Variants in PDE7B observed in about 807,000 individuals in gnomAD.
The protein encoded by PDE7B is 3',5'-cyclic-AMP phosphodiesterase 7B.
A neutral mutation model predicts 56.2 loss-of-function variants in PDE7B; 29 were observed. That is an observed-to-expected ratio of 0.52 (90% CI 0.38 to 0.70). The LOEUF (loss-of-function observed/expected upper bound fraction) is 0.70. Ranked by LOEUF, PDE7B falls within the 30% of genes least tolerant of loss-of-function variation. The pLI is 0.00. For synonymous variants in PDE7B, 197 were observed against 196.9 expected (o/e 1.00, Z 0.00); for missense variants, 490 against 565.0 (o/e 0.87, Z 1.35).
chr6:135,904,009 T>A (rs1776052543), intron 1 of PDE7B, among the ~76,000 whole-genome samples: 1 of 152,206 alleles, frequency 6.6e-6, no homozygotes, highest in Non-Finnish European at 1.5e-5. Flanking sequence ...ATGCTTTTCC[T>A]AAAAAATATT....
At position 136,005,862 on chromosome 6, in the gene PDE7B, C is replaced by A. The variant is rs973508671; in HGVS notation, c.82+58338C>A. On this transcript the variant is annotated intron_variant, in intron 2 of 12. Coordinates refer to ENST00000308191, the MANE Select transcript of PDE7B (RefSeq NM_018945.4). ...CAGCCATCCCATTACTGAGTATATA[C>A]CCAAAGGACTATAAATCATACTGCT... Among the ~76,000 whole-genome samples the A allele has an allele frequency of 3.9e-4, 59 of 152,064 alleles. 1 individual carries two copies. Among genetic ancestry groups the A allele is most frequent in the African/African-American group, 1.4e-3 (58 of 41,404 alleles).
At chr6:136,097,284 G>A (rs182456312) in intron 2 of PDE7B, among the ~76,000 whole-genome samples, 6 of 152,256 alleles carry the variant, frequency 3.9e-5, no homozygotes, top group African/African-American at 7.2e-5. Context: ...TTGAGGGCAT[G>A]TATTTCTTTC....
At chr6:136,055,469 A>T (rs1355679472) in intron 2 of PDE7B, among the ~76,000 whole-genome samples, 1 of 152,228 alleles carries the variant, frequency 6.6e-6, no homozygotes, top group African/African-American at 2.4e-5. Flanking sequence ...AGACACTCAA[A>T]AATTCAAGTT....
At chr6:136,135,673 G>A (rs1778202077) in intron 3 of PDE7B, among the ~76,000 whole-genome samples, 1 of 151,924 alleles carries the variant, frequency 6.6e-6, no homozygotes, top group South Asian at 2.1e-4. Context: ...GGGAGTCATA[G>A]TATTTTATTT....
intron 2 of PDE7B, among the ~76,000 whole-genome samples, chr6:136,012,048 G>C (rs933330589): frequency 2.6e-5 from 4 of 152,022 alleles, no homozygotes; most frequent in African/African-American, 9.7e-5. Flanking sequence ...ATACAAAAAG[G>C]CTCCTGAACA....
chr6:136,050,450 A>G (rs2128211113), intron 2 of PDE7B, among the ~76,000 whole-genome samples: 2 of 151,712 alleles, frequency 1.3e-5, no homozygotes. Flanking sequence ...TTTCACCAGG[A>G]TTGTGAATTA....
At position 136,151,155 on chromosome 6, in the gene PDE7B, T is replaced by C. The variant is rs1252189467; in HGVS notation, c.383-5T>C. On this transcript the variant is annotated splice_polypyrimidine_tract_variant and splice_region_variant and intron_variant, in intron 5 of 12. Transcript: ENST00000308191. ...TAGTTAAAGGAAGTGACTGTTTTCC[T>C]GCAGGAAACAGCCTGGTAACACTGT... The C allele has an allele frequency of 1.3e-6, 2 of 1,565,094 alleles. No individual in the cohort carries two copies. The highest frequency in any genetic ancestry group is 1.8e-6 in the Non-Finnish European group (2 of 1,136,676).
At chr6:136,155,889 AT>A (rs1367966664) in intron 8 of PDE7B, 131 bp downstream of exon 8, 1 of 972,754 alleles carries the variant, frequency 1.0e-6, no homozygotes, top group African/African-American at 1.6e-5. Context: ...ATGAAACACA[AT>A]CTCTGCCCTC....
chr6:136,066,111 C>A (rs1209229285), intron 2 of PDE7B, among the ~76,000 whole-genome samples: 2 of 152,144 alleles, frequency 1.3e-5, no homozygotes, highest in Admixed American at 1.3e-4. Context: ...GCCAGTCTGA[C>A]TTAATAGCAG....
At chr6:136,051,484 T>C (rs9494447) in intron 2 of PDE7B, among the ~76,000 whole-genome samples, 79,365 of 152,096 alleles carry the variant, frequency 0.52, 21,642 homozygotes, top group African/African-American at 0.69. Flanking sequence ...CTCTCTTCCC[T>C]GCAAGAAGCA....
chr6:136,016,972 C>T (rs1350992704), intron 2 of PDE7B, among the ~76,000 whole-genome samples: 4 of 152,220 alleles, frequency 2.6e-5, no homozygotes, highest in African/African-American at 9.7e-5. Context: ...AAGGTAGGGA[C>T]AGTTGCTACA....
intron 11 of PDE7B, among the ~76,000 whole-genome samples, chr6:136,181,773 AAT>A (rs1280949922): frequency 6.6e-6 from 1 of 151,968 alleles, no homozygotes; most frequent in African/African-American, 2.4e-5. Flanking sequence ...AAAAAAAAAA[AAT>A]AATGAAATTG....
At chr6:135,922,071 T>A (rs1030000631) in intron 1 of PDE7B, among the ~76,000 whole-genome samples, 4 of 152,182 alleles carry the variant, frequency 2.6e-5, no homozygotes, top group Admixed American at 2.6e-4. Flanking sequence ...GGATTTACCT[T>A]AGAGATTGCA....
At chr6:136,012,569 G>A (rs1235977994) in intron 2 of PDE7B, 17 of 152,192 alleles carry the variant, frequency 1.1e-4, no homozygotes, top group Non-Finnish European at 1.3e-4. Context: ...AGTGCTTATA[G>A]AATCCATTCT....
intron 1 of PDE7B, among the ~76,000 whole-genome samples, chr6:135,866,541 G>A (rs1775264833): frequency 6.6e-6 from 1 of 152,136 alleles, no homozygotes; most frequent in South Asian, 2.1e-4. Flanking sequence ...AGAACTACTT[G>A]TTACAGATTC....
chr6:135,913,215 T>C (rs1776241623), intron 1 of PDE7B, among the ~76,000 whole-genome samples: 1 of 152,104 alleles, frequency 6.6e-6, no homozygotes, highest in Non-Finnish European at 1.5e-5. Flanking sequence ...AGTCCAGATA[T>C]AAAAAAATTA....
chr6:136,017,433 T>C (rs6909209), intron 2 of PDE7B, among the ~76,000 whole-genome samples: 22,725 of 151,654 alleles, frequency 0.15, 3,688 homozygotes, highest in African/African-American at 0.41. Flanking sequence ...TGTTGCTGTG[T>C]TGCATCCATT....
chr6:135,950,927 G>A (rs932285912), intron 2 of PDE7B, among the ~76,000 whole-genome samples: 4 of 152,192 alleles, frequency 2.6e-5, no homozygotes, highest in East Asian at 1.9e-4. Flanking sequence ...CTGGTGCGCC[G>A]GATTCAATGC....
chr6:136,008,088 G>A (rs1231893703), intron 2 of PDE7B, among the ~76,000 whole-genome samples: 1 of 151,578 alleles, frequency 6.6e-6, no homozygotes, highest in Non-Finnish European at 1.5e-5. Flanking sequence ...GCAGTGTTTG[G>A]TTTTTTGTCG....
Sources: allele counts gnomAD v4.1 joint callset (sites outside exome capture counted in the v4.1 genomes callset), GRCh38; gene constraint gnomAD v4.1.1; transcripts MANE v1.5; gene names NCBI Gene and HGNC (gene_info 2026-07-23, HGNC 2026-07-21).